SYNRG: variants seen among roughly 807,000 people sequenced by gnomAD.
SYNRG encodes the protein AP1 gamma subunit binding protein 1.
Under a neutral mutation model 130.9 loss-of-function variants are expected in SYNRG, and 37 were observed. The observed-to-expected ratio is 0.28, with a 90% CI of 0.22 to 0.37. The LOEUF is 0.37. Ranked by LOEUF, SYNRG falls within the 10% of genes least tolerant of loss-of-function variation. SYNRG has a pLI of 1.00. For synonymous variants in SYNRG, 539 were observed against 568.1 expected (o/e 0.95, Z 0.73); for missense variants, 1,338 against 1,588.9 (o/e 0.84, Z 2.68).
intron 19 of SYNRG, among the ~76,000 whole-genome samples, chr17:37,530,923 T>C (rs1422429999): frequency 2.0e-5 from 3 of 152,198 alleles, no homozygotes; most frequent in Non-Finnish European, 4.4e-5. Flanking sequence ...GGTAAAGATG[T>C]CAGGTTGCCA....
At chr17:37,572,188 A>G (rs1213901606) in intron 8 of SYNRG, among the ~76,000 whole-genome samples, 1 of 152,170 alleles carries the variant, frequency 6.6e-6, no homozygotes, top group African/African-American at 2.4e-5. Context: ...AGCACTTGGG[A>G]GGCCAAGGCC....
At chr17:37,579,557 A>T in intron 6 of SYNRG, 2 of 724,002 alleles carry the variant, frequency 2.8e-6, no homozygotes, top group Non-Finnish European at 4.0e-6. Context: ...TGAACAAGAA[A>T]TAACAAGTAA....
chr17:37,518,851 T>G lies in SYNRG; in HGVS notation c.*89A>C. On this transcript the variant is annotated 3_prime_UTR_variant, in exon 22 of 22. Coordinates refer to ENST00000612223, the MANE Select transcript of SYNRG (RefSeq NM_007247.6). ...TTCATATCGATTCAGGGAAGCGAAC[T>G]GTGCAGTGCTCGCATTCTATTTATT... 1 of 1,520,626 alleles carries G rather than the reference T, an allele frequency of 6.6e-7. No individual in the cohort carries two copies. The highest frequency in any genetic ancestry group is 8.9e-7 in the Non-Finnish European group (1 of 1,126,604). 94.2% of individuals were successfully genotyped at this position (1,520,626 alleles called of 1,614,324 possible). A position where few individuals can be genotyped will look rare whatever the true frequency, so the allele number is the denominator to read the frequency against.
chr17:37,564,734 C>T (rs2059794456), intron 11 of SYNRG, among the ~76,000 whole-genome samples: 1 of 152,166 alleles, frequency 6.6e-6, no homozygotes, highest in Non-Finnish European at 1.5e-5. Context: ...ATGTGGAGTA[C>T]AGATTATCAT....
chr17:37,541,262 C>T (rs1276895955), intron 15 of SYNRG: 2 of 985,314 alleles, frequency 2.0e-6, no homozygotes, highest in Non-Finnish European at 2.4e-6. Context: ...CCCCTCCTGT[C>T]AGGATGAGAT....
At chr17:37,570,143 CTTTTTTTTT>C (rs11320959) in intron 10 of SYNRG, among the ~76,000 whole-genome samples, 1 of 113,834 alleles carries the variant, frequency 8.8e-6, no homozygotes. Context: ...CATGCTGAGG[CTTTTTTTTT>C]TTTTTTTTTT....
chr17:37,579,331 G>A (rs897896615), intron 6 of SYNRG: 1 of 1,304,258 alleles, frequency 7.7e-7, no homozygotes, highest in South Asian at 1.2e-5. Flanking sequence ...GCCCACATGG[G>A]GGAACTTCAA....
chr17:37,589,176 T>C (rs1005597039), intron 3 of SYNRG, among the ~76,000 whole-genome samples: 4 of 152,204 alleles, frequency 2.6e-5, no homozygotes, highest in African/African-American at 9.7e-5. Flanking sequence ...AAGTGTCCAC[T>C]TCAGTCAGAG....
intron 19 of SYNRG, among the ~76,000 whole-genome samples, chr17:37,529,531 T>C (rs1319089944): frequency 3.2e-5 from 3 of 94,560 alleles, no homozygotes; most frequent in Non-Finnish European, 6.7e-5. Flanking sequence ...CATGTATATA[T>C]ATTTTACAAA....
chr17:37,608,584 G>A (rs1296773184), intron 1 of SYNRG, among the ~76,000 whole-genome samples: 1 of 152,188 alleles, frequency 6.6e-6, no homozygotes, highest in Middle Eastern at 3.2e-3. Context: ...TAAGGGCTGA[G>A]TCTGGAAGCT....
chr17:37,583,937 C>G (rs1402830970), intron 6 of SYNRG, among the ~76,000 whole-genome samples: 1 of 152,100 alleles, frequency 6.6e-6, no homozygotes, highest in Non-Finnish European at 1.5e-5. Context: ...TCAAGTGATC[C>G]CACCTGCCTC....
At chr17:37,525,789 A>G (rs1169828659) in intron 19 of SYNRG, among the ~76,000 whole-genome samples, 1 of 152,230 alleles carries the variant, frequency 6.6e-6, no homozygotes, top group Non-Finnish European at 1.5e-5. Flanking sequence ...AACATGGTGA[A>G]ACCCCGTCTC....
chr17:37,520,714 TCATCACTCACCCC>T, intron 19 of SYNRG, 66 bp from the exon 20 acceptor site: 1 of 1,336,198 alleles, frequency 7.5e-7, no homozygotes, highest in Non-Finnish European at 1.1e-6. Context: ...CTTCACTCCC[TCATCACTCACCCC>T]CAGCAGGCCT....
chr17:37,533,624 G>A (rs1005790970), intron 19 of SYNRG, among the ~76,000 whole-genome samples: 2 of 124,852 alleles, frequency 1.6e-5, no homozygotes, highest in South Asian at 2.5e-4. Context: ...ATTCACTCCT[G>A]TTGCCCAGGC....
intron 3 of SYNRG, among the ~76,000 whole-genome samples, chr17:37,594,350 A>T (rs2062544953): frequency 7.0e-6 from 1 of 143,804 alleles, no homozygotes; most frequent in South Asian, 2.2e-4. Flanking sequence ...TTAATGATTT[A>T]AAATTTGTAT....
rs747272761 is a variant in SYNRG at position 37,542,598 on chromosome 17, C to G, written c.2609-33G>C. The stretch of plus-strand genomic sequence containing the variant: ...GGAAATAAGACCCCACAATTAGAGG[C>G]AAGCAATTTAGGCAAAATGCCCTAA... On this transcript the variant is annotated intron_variant, in intron 14 of 21. Coordinates refer to ENST00000612223, the MANE Select transcript of SYNRG (RefSeq NM_007247.6). 3 of 1,567,880 alleles carry G rather than the reference C, an allele frequency of 1.9e-6. No individual in the cohort carries two copies. The East Asian group carries it at 6.7e-5, about 35-fold the overall frequency.
chr17:37,547,077 T>G (rs1484198899), intron 14 of SYNRG, among the ~76,000 whole-genome samples: 1 of 152,244 alleles, frequency 6.6e-6, no homozygotes, highest in African/African-American at 2.4e-5. Flanking sequence ...TGAAAAATGC[T>G]GCTGTTTAAT....
chr17:37,539,116 A>G (rs2057487860), intron 17 of SYNRG, 76 bp downstream of exon 17: 6 of 1,595,182 alleles, frequency 3.8e-6, no homozygotes, highest in Non-Finnish European at 5.1e-6. Context: ...GCCTCTGTCA[A>G]TTCAAATGAA....
chr17:37,601,224 C>T (rs923835720), intron 1 of SYNRG, among the ~76,000 whole-genome samples: 4 of 151,906 alleles, frequency 2.6e-5, no homozygotes, highest in Non-Finnish European at 5.9e-5. Flanking sequence ...CCCGCCACCA[C>T]GACTGGCTAA....
Sources: allele counts gnomAD v4.1 joint callset (sites outside exome capture counted in the v4.1 genomes callset), GRCh38; gene constraint gnomAD v4.1.1; transcripts MANE v1.5; gene names NCBI Gene and HGNC (gene_info 2026-07-23, HGNC 2026-07-21).